The following ANLN variants were observed in gnomAD, a reference collection of about 807,000 sequenced individuals.
ANLN encodes the protein anillin.
In ANLN, 59 loss-of-function variants were observed where a neutral mutation model predicts 135.1. The observed-to-expected ratio is 0.44, with a 90% CI of 0.35 to 0.54. The LOEUF is 0.54. Among genes scored for constraint, ANLN ranks in the 20% least tolerant of loss-of-function variants. ANLN has a pLI of 0.00. For missense variants in ANLN, 1,182 were observed against 1,340.0 expected (o/e 0.88, Z 1.84); for synonymous variants, 406 against 456.4 (o/e 0.89, Z 1.41).
chr7:36,404,806 T>C (rs1787120005), intron 3 of ANLN, among the ~76,000 whole-genome samples: 1 of 152,134 alleles, frequency 6.6e-6, no homozygotes, highest in African/African-American at 2.4e-5. Flanking sequence ...TATAAAGTGA[T>C]TATGGGGCGG....
intron 20 of ANLN, among the ~76,000 whole-genome samples, chr7:36,435,086 C>T (rs757653948): frequency 6.6e-6 from 1 of 152,128 alleles, no homozygotes; most frequent in South Asian, 2.1e-4. Flanking sequence ...TCAAACCCTA[C>T]ACTTTAAATA....
intron 21 of ANLN, among the ~76,000 whole-genome samples, chr7:36,440,873 T>C (rs917240028): frequency 6.6e-6 from 1 of 152,204 alleles, no homozygotes; most frequent in African/African-American, 2.4e-5. Context: ...GTGTTCTCTG[T>C]GAAGCAAGAA....
Position 36,411,156 on chromosome 7 carries a change from A to G in ANLN, c.1385A>G (p.Glu462Gly), listed in dbSNP as rs1238329647. The G allele has an allele frequency of 6.2e-7, 1 of 1,605,232 alleles. No individual in the cohort carries two copies. The highest frequency in any genetic ancestry group is 8.5e-7 in the Non-Finnish European group (1 of 1,177,980). ...GGAAACTCAAAAAGCAAACAACTAG[A>G]AACCAAACAGGTAATGTAAACAAGA... ...KGGNSKSKQL[E>G]TKQETHCQST... Residue 462 changes from glutamate (E) to glycine (G), a missense_variant, in exon 7 of 24, where the codon GAA becomes GGA. Coordinates refer to ENST00000265748, the MANE Select transcript of ANLN (RefSeq NM_018685.5).
Position 36,419,424 on chromosome 7 carries a change from C to T in ANLN, c.1814C>T (p.Ser605Phe), listed in dbSNP as rs868431240. The stretch of plus-strand genomic sequence containing the variant: ...GAACAGGAAGATGCACTGAATATCT[C>T]CTCAATGTCTTTACTTGCACCATTG... ...SEEQEDALNI[S>F]SMSLLAPLAQ... is the part of the protein sequence containing the mutation. Residue 605 changes from serine to phenylalanine, a missense_variant, in exon 10 of 24, where the codon TCC (serine) becomes TTC (phenylalanine). Ser to Phe is a radical substitution (Grantham distance 155, BLOSUM62 -2). Around this residue, in one of 3 missense-constraint regions of ANLN, gnomAD observed 1,022 missense variants for 1,134.0 expected, o/e 0.90. Transcript: ENST00000265748. 1 of 1,614,106 alleles carries T rather than the reference C, an allele frequency of 6.2e-7. No homozygotes were observed. The highest frequency in any genetic ancestry group is 8.5e-7 in the Non-Finnish European group (1 of 1,180,008).
Position 36,407,922 on chromosome 7 carries a change from G to T in ANLN, c.1062G>T (p.Leu354=), listed in dbSNP as rs748964555. The T allele has an allele frequency of 6.2e-7, 1 of 1,613,536 alleles. No homozygotes were observed. The highest frequency in any genetic ancestry group is 8.5e-7 in the Non-Finnish European group (1 of 1,179,662). The change falls in exon 5 of 24, where the codon CTG becomes CTT. Residue 354 remains leucine (L), a synonymous_variant. Transcript: ENST00000265748. ...GAGAATTAAGTAGAGAAATTTGTCT[G>T]CAATCTCAATCTAAAGACAAATCTA... ...SKGELSREIC[L]QSQSKDKSTT...
At chr7:36,425,540 C>T (rs538009338) in intron 17 of ANLN, among the ~76,000 whole-genome samples, 162 bp from the exon 18 acceptor site, 8 of 152,192 alleles carry the variant, frequency 5.3e-5, no homozygotes, top group South Asian at 4.2e-4. Context: ...ATGATCCGCC[C>T]GCCTCAGCCT....
At position 36,421,293 on chromosome 7, in the gene ANLN, C is replaced by T. The variant is rs1051938035; in HGVS notation, c.2163+549C>T. Among the ~76,000 whole-genome samples, 158 of 152,168 alleles carry T rather than the reference C, an allele frequency of 1.0e-3. 1 individual carries two copies. Among genetic ancestry groups the T allele is most frequent in the African/African-American group, 3.6e-3 (148 of 41,514 alleles). ...ATGTTGGTCAGGCTAGTCTCAAACT[C>T]TTGAACTCAGGTGACCCACCCACCT... On this transcript the variant is annotated intron_variant, in intron 12 of 23. Transcript: ENST00000265748.
intron 20 of ANLN, chr7:36,428,345 T>C: frequency 7.8e-7 from 1 of 1,285,228 alleles, no homozygotes; most frequent in Non-Finnish European, 1.0e-6. Flanking sequence ...TACTGGGCTA[T>C]TTGTTCCAGG....
chr7:36,423,107 TTG>T (rs905518905), intron 14 of ANLN, among the ~76,000 whole-genome samples: 3 of 152,228 alleles, frequency 2.0e-5, no homozygotes, highest in African/African-American at 7.2e-5. Context: ...ACAAATTTTT[TTG>T]TGTGTGTTCT....
At chr7:36,419,018 A>G (rs948217948) in intron 9 of ANLN, among the ~76,000 whole-genome samples, 4 of 152,126 alleles carry the variant, frequency 2.6e-5, no homozygotes, top group African/African-American at 7.2e-5. Context: ...TGGCCTCCCA[A>G]AGTGCTGGGA....
intron 22 of ANLN, among the ~76,000 whole-genome samples, chr7:36,448,107 T>C (rs1001908112): frequency 2.0e-5 from 3 of 152,068 alleles, no homozygotes; most frequent in African/African-American, 7.2e-5. Flanking sequence ...CTTTGCCTCC[T>C]GGGCTCAAGC....
At position 36,396,408 on chromosome 7, in the gene ANLN, C is replaced by T; in HGVS notation, c.161C>T (p.Ser54Phe). The T allele has an allele frequency of 1.9e-6, 3 of 1,581,918 alleles. No homozygotes were observed. ...LSEASNQQPL[S>F]GGEEKSCTKP... ...GAAGCAAGTAACCAGCAGCCCCTCTCTGGTGGTGAAGGTAAAAGACTTTGT... is the reference window on the plus strand; with the variant it reads ...GAAGCAAGTAACCAGCAGCCCCTCTTTGGTGGTGAAGGTAAAAGACTTTGT... The change falls in exon 2 of 24, where the codon TCT (serine) becomes TTT (phenylalanine). Residue 54 changes from serine to phenylalanine, a missense_variant. By Grantham distance (155) the Ser-to-Phe change is radical. Coordinates refer to ENST00000265748, the MANE Select transcript of ANLN (RefSeq NM_018685.5).
At chr7:36,423,665 T>G in intron 14 of ANLN, 152 bp from the exon 15 acceptor site, 1 of 684,498 alleles carries the variant, frequency 1.5e-6, no homozygotes, top group Non-Finnish European at 2.1e-6. Context: ...TTATTTAGCT[T>G]TTTGTGTCTG....
chr7:36,420,258 C>G lies in ANLN; in HGVS notation c.1959C>G (p.Val653=). The G allele has an allele frequency of 1.9e-6, 3 of 1,614,056 alleles. No homozygotes were observed. The highest frequency in any genetic ancestry group is 2.5e-6 in the Non-Finnish European group (3 of 1,179,960). Residue 653 remains valine (V), a synonymous_variant, in exon 11 of 24, where the codon GTC becomes GTG. Transcript: ENST00000265748. ...CAGGAAAATTCCAAAGAACTCGTGT[C>G]CCTCGAGCTGAATCTGGTGATAGCC... ...PKPGKFQRTR[V]PRAESGDSLG...
At chr7:36,400,476 C>G (rs1296348723) in intron 3 of ANLN, among the ~76,000 whole-genome samples, 1 of 152,148 alleles carries the variant, frequency 6.6e-6, no homozygotes, top group East Asian at 1.9e-4. Context: ...TCTCATGCCT[C>G]AGCCTCCCAA....
At chr7:36,400,368 CT>C (rs898476488) in intron 3 of ANLN, among the ~76,000 whole-genome samples, 4 of 151,216 alleles carry the variant, frequency 2.6e-5, no homozygotes, top group Non-Finnish European at 3.0e-5. Flanking sequence ...TTTTTCTTTT[CT>C]TTTTTTTTGA....
At chr7:36,438,327 T>G (rs1444139874) in intron 20 of ANLN, among the ~76,000 whole-genome samples, 1 of 152,210 alleles carries the variant, frequency 6.6e-6, no homozygotes, top group Admixed American at 6.5e-5. Context: ...CAATTCCATT[T>G]CTTTTGTCCA....
At position 36,424,792 on chromosome 7, in the gene ANLN, TATC is replaced by T. The variant is rs1788014775; in HGVS notation, c.2709+56_2709+58del. 4 of 1,538,240 alleles carry T rather than the reference TATC, an allele frequency of 2.6e-6. No individual in the cohort carries two copies. The African/African-American group carries it at 5.5e-5, about 21-fold the overall frequency. Reference sequence around the variant, plus strand: ...AAATATTTTCATCAGAAGTAATAGATATCATCATACCAGTTTTAATTTATGTAC... The same window carrying T: ...AAATATTTTCATCAGAAGTAATAGATATCATACCAGTTTTAATTTATGTAC... On this transcript the variant is annotated intron_variant, in intron 17 of 23. Coordinates refer to ENST00000265748, the MANE Select transcript of ANLN (RefSeq NM_018685.5).
At chr7:36,437,688 C>T in intron 20 of ANLN, among the ~76,000 whole-genome samples, 1 of 151,926 alleles carries the variant, frequency 6.6e-6, no homozygotes, top group South Asian at 2.1e-4. Context: ...CCTTTGGTAT[C>T]ATATCTGAAA....
Sources: allele counts gnomAD v4.1 joint callset (sites outside exome capture counted in the v4.1 genomes callset), GRCh38; gene constraint gnomAD v4.1.1; regional missense constraint gnomAD v4.1.1; transcripts MANE v1.5; gene names NCBI Gene and HGNC (gene_info 2026-07-23, HGNC 2026-07-21).